Variants in TPR observed in about 807,000 individuals in gnomAD.
The protein encoded by TPR is nucleoprotein TPR.
Under a neutral mutation model 316.1 loss-of-function variants are expected in TPR, and 51 were observed. The ratio of observed to expected loss-of-function variants is 0.16; its 90% CI spans 0.13 to 0.20. The LOEUF (loss-of-function observed/expected upper bound fraction) is 0.20, where lower values mean the gene tolerates loss of function less well. Ranked by LOEUF, TPR falls within the 10% of genes least tolerant of loss-of-function variation. The pLI is 1.00. For synonymous variants in TPR, 981 were observed against 914.7 expected (o/e 1.07, Z -1.31); for missense variants, 2,272 against 2,754.8 (o/e 0.82, Z 3.92).
chr1:186,366,761 T>C (rs2037959), intron 4 of TPR, among the ~76,000 whole-genome samples: 43,835 of 151,936 alleles, frequency 0.29, 6,886 homozygotes, highest in Admixed American at 0.38. Flanking sequence ...CAAAGACCTA[T>C]TAAAATTTTA....
chr1:186,315,298 A>G (rs1013976875), intron 49 of TPR, among the ~76,000 whole-genome samples: 15 of 152,076 alleles, frequency 9.9e-5, no homozygotes, highest in African/African-American at 3.4e-4. Context: ...ATATTAATAA[A>G]TATTTACTTG....
intron 3 of TPR, among the ~76,000 whole-genome samples, chr1:186,368,351 C>T (rs1003439806): frequency 6.6e-6 from 1 of 152,118 alleles, no homozygotes; most frequent in Admixed American, 6.5e-5. Flanking sequence ...GTGGCTCATG[C>T]CTGTAATCAC....
At chr1:186,353,911 A>C in intron 17 of TPR, 61 bp from the exon 18 acceptor site, 1 of 1,520,226 alleles carries the variant, frequency 6.6e-7, no homozygotes, top group Non-Finnish European at 8.9e-7. Context: ...AATCCCTTGA[A>C]GAAATTTCAC....
chr1:186,346,394 T>C (rs1409296392), intron 22 of TPR, 107 bp from the exon 23 acceptor site: 4 of 1,135,506 alleles, frequency 3.5e-6, no homozygotes, highest in Admixed American at 3.0e-5. Flanking sequence ...AATTAATGTT[T>C]GTTGTATATT....
chr1:186,360,190 G>A (rs1009019305), intron 11 of TPR, 83 bp downstream of exon 11: 1 of 1,482,110 alleles, frequency 6.7e-7, no homozygotes. Context: ...TTAAAAATAA[G>A]TTTTGGGAGA....
At position 186,341,094 on chromosome 1, in the gene TPR, G is replaced by A. The variant is rs748820084; in HGVS notation, c.3954C>T (p.Ser1318=). The A allele has an allele frequency of 4.7e-5, 76 of 1,613,884 alleles. 1 individual carries two copies. The highest frequency in any genetic ancestry group is 5.3e-5 in the Non-Finnish European group (62 of 1,180,010). ...QEANAELSEK[S]GMLQAEKKLL... ...GCTTCTTCTCTGCCTGCAACATACCGCTTTTCTCACTCAGCTCAGCATTTG... is the reference window on the plus strand; with the variant it reads ...GCTTCTTCTCTGCCTGCAACATACCACTTTTCTCACTCAGCTCAGCATTTG... Residue 1318 remains serine (S), a synonymous_variant, in exon 29 of 51, where the codon AGC becomes AGT. Transcript: ENST00000367478.
At chr1:186,331,662 G>A in intron 38 of TPR, 81 bp from the exon 39 acceptor site, 4 of 848,574 alleles carry the variant, frequency 4.7e-6, no homozygotes, top group East Asian at 2.9e-5. Context: ...TCTCTCATTT[G>A]AAAAAACCCT....
chr1:186,329,439 C>T (rs540169266), intron 39 of TPR, among the ~76,000 whole-genome samples: 4 of 152,276 alleles, frequency 2.6e-5, no homozygotes, highest in African/African-American at 7.2e-5. Context: ...CTATAAGATG[C>T]AAGCATAAAT....
chr1:186,316,241 G>C (rs1051526663), intron 49 of TPR, among the ~76,000 whole-genome samples: 1 of 151,998 alleles, frequency 6.6e-6, no homozygotes, highest in South Asian at 2.1e-4. Context: ...GCCTTACTGC[G>C]TATGAAATGG....
intron 38 of TPR, 51 bp from the exon 39 acceptor site, chr1:186,331,632 G>T: frequency 8.1e-7 from 1 of 1,230,868 alleles, no homozygotes; most frequent in Non-Finnish European, 1.1e-6. Flanking sequence ...GTAGATGAAG[G>T]GTTACCTGTT....
chr1:186,342,352 A>T (rs987529478), intron 27 of TPR: 6 of 152,058 alleles, frequency 3.9e-5, no homozygotes, highest in African/African-American at 1.4e-4. Context: ...CCCCCTATGA[A>T]CTCATTCGTA....
At chr1:186,347,249 C>G in intron 22 of TPR, 43 bp downstream of exon 22, 1 of 1,598,228 alleles carries the variant, frequency 6.3e-7, no homozygotes, top group Non-Finnish European at 8.5e-7. Flanking sequence ...ACAAAGTTAA[C>G]AAATGTGTTG....
chr1:186,343,600 AAAT>A (rs1658582510), intron 26 of TPR, 127 bp from the exon 27 acceptor site: 3 of 850,944 alleles, frequency 3.5e-6, no homozygotes, highest in Non-Finnish European at 5.2e-6. Flanking sequence ...CATTAATAAT[AAAT>A]AATAATGGGA....
At chr1:186,355,320 A>C in intron 17 of TPR, 90 bp downstream of exon 17, 1 of 1,390,976 alleles carries the variant, frequency 7.2e-7, no homozygotes, top group Non-Finnish European at 9.8e-7. Context: ...AAAAAGCAAC[A>C]CTATTGCAAA....
intron 39 of TPR, among the ~76,000 whole-genome samples, chr1:186,331,055 A>G (rs1249727952): frequency 6.6e-6 from 1 of 152,084 alleles, no homozygotes; most frequent in Non-Finnish European, 1.5e-5. Context: ...TGCTAGGGGA[A>G]CCTCAATGAG....
chr1:186,325,720 A>G, intron 42 of TPR, 44 bp downstream of exon 42: 2 of 1,499,028 alleles, frequency 1.3e-6, no homozygotes, highest in African/African-American at 2.8e-5. Context: ...AGTTTAGAAA[A>G]TACCAGAGAT....
chr1:186,355,912 A>G, intron 15 of TPR, 144 bp from the exon 16 acceptor site: 2 of 1,006,728 alleles, frequency 2.0e-6, no homozygotes, highest in East Asian at 2.6e-5. Context: ...GAGTTTTTAA[A>G]TAAGGAATCT....
At chr1:186,318,997 A>T (rs1657693096) in intron 46 of TPR, among the ~76,000 whole-genome samples, 169 bp from the exon 47 acceptor site, 1 of 152,106 alleles carries the variant, frequency 6.6e-6, no homozygotes, top group South Asian at 2.1e-4. Context: ...TTTATTTTTT[A>T]TTTTATTTTA....
In TPR at chr1:186,326,277, T is replaced by TAAAA. The variant is rs1557991400; in HGVS notation, c.5890-43_5890-42insTTTT. 4 of 1,561,600 alleles carry TAAAA rather than the reference T, an allele frequency of 2.6e-6. No individual in the cohort carries two copies. In the South Asian group the frequency reaches 4.6e-5, roughly 18 times the overall value. On this transcript the variant is annotated intron_variant, in intron 40 of 50. Transcript: ENST00000367478. ...CAGGCATAAATAAAAGTTTAGAATA[T>TAAAA]GGCCCACATGCTCTGCATGTCTAGA... is the stretch of plus-strand genomic sequence containing the variant.
Sources: allele counts gnomAD v4.1 joint callset (sites outside exome capture counted in the v4.1 genomes callset), GRCh38; gene constraint gnomAD v4.1.1; transcripts MANE v1.5; gene names NCBI Gene and HGNC (gene_info 2026-07-23, HGNC 2026-07-21).